The following NGEF variants were observed in gnomAD, a reference collection of about 807,000 sequenced individuals.
The protein encoded by NGEF is neuronal guanine nucleotide exchange factor.
Under a neutral mutation model 80.9 loss-of-function variants are expected in NGEF, and 31 were observed. That is an observed-to-expected ratio of 0.38 (90% CI 0.29 to 0.52). NGEF has a LOEUF of 0.52. Among genes scored for constraint, NGEF ranks in the 20% least tolerant of loss-of-function variants. NGEF has a pLI of 0.84. For synonymous variants in NGEF, 371 were observed against 370.2 expected, an observed-to-expected ratio of 1.00 and a Z score of -0.03; for missense variants, 709 against 926.2, an observed-to-expected ratio of 0.77 and a Z score of 3.04.
At chr2:232,968,564 G>A (rs1205701574) in intron 3 of NGEF, among the ~76,000 whole-genome samples, 1 of 151,836 alleles carries the variant, frequency 6.6e-6, no homozygotes, top group Non-Finnish European at 1.5e-5. Context: ...ACCATCACAT[G>A]TGGCTAATTT....
rs868438355 is a variant in NGEF at position 232,920,507 on chromosome 2, T to C, written c.605A>G (p.Glu202Gly). 2 of 1,593,614 alleles carry C rather than the reference T, an allele frequency of 1.3e-6. No individual in the cohort carries two copies. The highest frequency in any genetic ancestry group is 1.7e-5 in the Admixed American group (1 of 58,210). ...ETRRQQDAEI[E>G]DNTNGSPASE... ...GGCCGGGGACCCATTGGTATTGTCT[T>C]CTATTTCTGCATCCTGTTGCCTCCT... is the stretch of plus-strand genomic sequence containing the variant. Residue 202 changes from glutamate (E) to glycine (G), a missense_variant, in exon 5 of 15, where the codon GAA becomes GGA. By Grantham distance (98) the Glu-to-Gly change is moderately conservative (BLOSUM62 -2). Transcript: ENST00000264051.
chr2:232,962,971 C>A lies in NGEF; in HGVS notation c.383+7243G>T, dbSNP rs754294055. On this transcript the variant is annotated intron_variant, in intron 3 of 14. Coordinates refer to ENST00000264051, the MANE Select transcript of NGEF (RefSeq NM_019850.3). ...AAGCTAGTTAACGTATGCATTAAAC[C>A]TGAAATTTATCTGTAGAGACAATGC... Among the ~76,000 whole-genome samples, 2 of 151,832 alleles carry A rather than the reference C, an allele frequency of 1.3e-5. 1 individual carries two copies. Among genetic ancestry groups the A allele is most frequent in the Admixed American group, 1.3e-4 (2 of 15,252 alleles).
chr2:232,901,275 A>G (rs948885509), intron 5 of NGEF: 1 of 740,408 alleles, frequency 1.4e-6, no homozygotes, highest in Non-Finnish European at 1.6e-6. Flanking sequence ...TCGGAGTCCC[A>G]CTCCTGCCTC....
At chr2:232,970,581 C>T (rs1008278774) in intron 2 of NGEF, among the ~76,000 whole-genome samples, 43 of 152,082 alleles carry the variant, frequency 2.8e-4, no homozygotes, top group African/African-American at 9.9e-4. Context: ...GTAATCCCAT[C>T]GCTTTGGGAG....
intron 4 of NGEF, among the ~76,000 whole-genome samples, chr2:232,920,863 A>C (rs1043239174): frequency 3.3e-5 from 5 of 152,152 alleles, no homozygotes; most frequent in African/African-American, 4.8e-5. Flanking sequence ...TGCTTTCCCC[A>C]CACACACTTG....
At chr2:232,885,504 C>T (rs1348243301) in intron 9 of NGEF, 135 bp from the exon 10 acceptor site, 8 of 709,256 alleles carry the variant, frequency 1.1e-5, no homozygotes, top group Non-Finnish European at 2.0e-5. Flanking sequence ...GGCTGGCTGG[C>T]CAGTCTCAGT....
intron 12 of NGEF, 41 bp from the exon 13 acceptor site, chr2:232,882,306 C>T (rs749125677): frequency 4.4e-5 from 68 of 1,561,076 alleles, no homozygotes; most frequent in South Asian, 3.3e-4. Context: ...TGCAGATCAA[C>T]GGCAGCCCCC....
chr2:232,951,774 G>A (rs1362980757), intron 3 of NGEF, among the ~76,000 whole-genome samples: 1 of 152,152 alleles, frequency 6.6e-6, no homozygotes, highest in Non-Finnish European at 1.5e-5. Context: ...TTGTTTAGGA[G>A]CAAAACCAGT....
intron 3 of NGEF, among the ~76,000 whole-genome samples, chr2:232,951,589 G>A (rs572027035): frequency 4.6e-5 from 7 of 152,260 alleles, no homozygotes; most frequent in South Asian, 4.1e-4. Flanking sequence ...GGCCGCCAGC[G>A]CCAATTACCC....
At chr2:232,984,425 G>A (rs564615977) in intron 1 of NGEF, among the ~76,000 whole-genome samples, 3 of 152,226 alleles carry the variant, frequency 2.0e-5, no homozygotes, top group Admixed American at 2.0e-4. Flanking sequence ...AGAAGAGAGT[G>A]GCATAGAGTT....
At position 232,892,525 on chromosome 2, in the gene NGEF, C is replaced by T. The variant is rs34652626; in HGVS notation, c.1142+373G>A. Among the ~76,000 whole-genome samples the T allele has an allele frequency of 0.17, 25,183 of 152,168 alleles. 2,656 individuals carry two copies. The highest frequency in any genetic ancestry group is 0.22 in the Non-Finnish European group (14,964 of 67,994). ...CTTCCCATCCTGTCCCTGCCCTTGT[C>T]GCTAGTTCAAGCCCCGTCTCTGATG... On this transcript the variant is annotated intron_variant, in intron 7 of 14. Coordinates refer to ENST00000264051, the MANE Select transcript of NGEF (RefSeq NM_019850.3). The surrounding 1 kb of genome is among the most constrained non-coding windows in gnomAD (Gnocchi z 4.0).
intron 3 of NGEF, among the ~76,000 whole-genome samples, chr2:232,952,018 C>T (rs1009249250): frequency 2.6e-5 from 4 of 152,084 alleles, no homozygotes; most frequent in African/African-American, 4.8e-5. Flanking sequence ...CCTAGGAAGG[C>T]GTGGTGTGGT....
intron 11 of NGEF, 74 bp from the exon 12 acceptor site, chr2:232,883,540 G>T: frequency 7.2e-7 from 1 of 1,391,320 alleles, no homozygotes; most frequent in African/African-American, 1.5e-5. Flanking sequence ...GCCCCACTTG[G>T]CAGGCCAACA....
chr2:232,919,793 C>G (rs373622818), intron 5 of NGEF, among the ~76,000 whole-genome samples: 141 of 152,276 alleles, frequency 9.3e-4, no homozygotes, highest in African/African-American at 3.3e-3. Context: ...ATTTCAGGAG[C>G]AGATGGGCAA....
chr2:232,921,562 C>T (rs917480306), intron 4 of NGEF, among the ~76,000 whole-genome samples: 2 of 152,170 alleles, frequency 1.3e-5, no homozygotes, highest in African/African-American at 2.4e-5. Context: ...AGTGATTCCC[C>T]TGCCTCAGCT....
intron 4 of NGEF, 69 bp downstream of exon 4, chr2:232,926,975 G>A: frequency 6.3e-7 from 1 of 1,592,792 alleles, no homozygotes; most frequent in Non-Finnish European, 8.6e-7. Flanking sequence ...CCATGAGCAG[G>A]AGGACCCTCA....
At chr2:233,006,652 C>T (rs1018768801) in intron 1 of NGEF, among the ~76,000 whole-genome samples, 7 of 152,168 alleles carry the variant, frequency 4.6e-5, no homozygotes, top group African/African-American at 1.7e-4. Context: ...GATCCTTTTT[C>T]TTTCTCATGG....
intron 13 of NGEF, among the ~76,000 whole-genome samples, chr2:232,881,521 G>A (rs1691504597): frequency 6.6e-6 from 1 of 152,148 alleles, no homozygotes; most frequent in Admixed American, 6.5e-5. Flanking sequence ...GGCCCTGGGT[G>A]TGGTTTGGGG....
intron 9 of NGEF, chr2:232,885,644 A>C (rs980486962): frequency 8.8e-6 from 4 of 453,816 alleles, no homozygotes; most frequent in Non-Finnish European, 1.6e-5. Context: ...TGCGTGAGGC[A>C]TCCCTCCTCC....
Sources: allele counts gnomAD v4.1 joint callset (sites outside exome capture counted in the v4.1 genomes callset), GRCh38; gene constraint gnomAD v4.1.1; non-coding constraint Gnocchi (gnomAD v3.1); transcripts MANE v1.5; gene names NCBI Gene and HGNC (gene_info 2026-07-23, HGNC 2026-07-21).